Variants in FRMD4B observed in about 807,000 individuals in gnomAD.
The protein encoded by FRMD4B is FERM domain-containing protein 4B.
Under a neutral mutation model 141.5 loss-of-function variants are expected in FRMD4B, and 74 were observed. That is an observed-to-expected ratio of 0.52 (90% CI 0.43 to 0.63). The LOEUF is 0.63. Ranked by LOEUF, FRMD4B falls within the 30% of genes least tolerant of loss-of-function variation. The probability of loss-of-function intolerance (pLI) is 0.00; values close to 1 mark genes in which losing one functional copy is unlikely to be tolerated. For synonymous variants in FRMD4B, 506 were observed against 467.9 expected, an observed-to-expected ratio of 1.08 and a Z score of -1.05; for missense variants, 1,366 against 1,253.4, an observed-to-expected ratio of 1.09 and a Z score of -1.36.
chr3:69,460,163 G>T (rs888953423), intron 1 of FRMD4B, among the ~76,000 whole-genome samples: 9 of 152,152 alleles, frequency 5.9e-5, no homozygotes, highest in Non-Finnish European at 1.0e-4. Flanking sequence ...ATTCCACATG[G>T]CTTTATACTC....
intron 2 of FRMD4B, among the ~76,000 whole-genome samples, chr3:69,419,906 G>C (rs998619330): frequency 6.6e-6 from 1 of 152,166 alleles, no homozygotes; most frequent in Non-Finnish European, 1.5e-5. Context: ...GCCCAGGCTG[G>C]AGTGCAATGG....
At chr3:69,219,327 CG>C (rs1559727629) in intron 9 of FRMD4B, among the ~76,000 whole-genome samples, 1 of 151,034 alleles carries the variant, frequency 6.6e-6, no homozygotes, top group Non-Finnish European at 1.5e-5. Context: ...CCTGTTTTAA[CG>C]CAAGTAGACT....
intron 1 of FRMD4B, among the ~76,000 whole-genome samples, chr3:69,378,312 G>A (rs547061951): frequency 1.3e-5 from 2 of 152,254 alleles, no homozygotes; most frequent in African/African-American, 4.8e-5. Flanking sequence ...TTCTGCCAAT[G>A]ACTGAGAAGT....
At chr3:69,491,311 A>G (rs191155661) in intron 1 of FRMD4B, among the ~76,000 whole-genome samples, 1 of 152,324 alleles carries the variant, frequency 6.6e-6, no homozygotes, top group East Asian at 1.9e-4. Context: ...AGCTGACTCT[A>G]TGAGAAGAAC....
intron 11 of FRMD4B, chr3:69,198,975 T>C (rs1378033424): frequency 7.1e-6 from 4 of 560,852 alleles, no homozygotes; most frequent in East Asian, 6.0e-5. Context: ...TCTTTAACTA[T>C]TAAGATTCAC....
intron 10 of FRMD4B, among the ~76,000 whole-genome samples, chr3:69,217,935 T>C (rs1447808231): frequency 1.3e-5 from 2 of 152,184 alleles, no homozygotes; most frequent in Non-Finnish European, 2.9e-5. Context: ...ATACAGTGTA[T>C]GTAATACACT....
chr3:69,239,118 C>T lies in FRMD4B; in HGVS notation c.581+10108G>A. 1.3e-5 allele frequency among the ~76,000 whole-genome samples: 2 copies of T among 152,128 alleles called. 1 individual carries two copies. Reference sequence around the variant, plus strand: ...AACTTGCCAAGTTCCGAGTTGTGAGCAGTTTGGGGCTTGGTTTGACAGAGT... The same window carrying T: ...AACTTGCCAAGTTCCGAGTTGTGAGTAGTTTGGGGCTTGGTTTGACAGAGT... On this transcript the variant is annotated intron_variant, in intron 7 of 22. Transcript: ENST00000398540.
At chr3:69,444,042 G>C (rs1705375781) in intron 1 of FRMD4B, among the ~76,000 whole-genome samples, 3 of 152,118 alleles carry the variant, frequency 2.0e-5, no homozygotes, top group Non-Finnish European at 1.5e-5. Flanking sequence ...AGCTGGACCT[G>C]TGGCCCCCAC....
chr3:69,313,891 G>A (rs71302184), intron 1 of FRMD4B, among the ~76,000 whole-genome samples: 4 of 150,644 alleles, frequency 2.7e-5, no homozygotes, highest in Non-Finnish European at 5.9e-5. Context: ...TGTAATCCCA[G>A]CACTTTGGGA....
At chr3:69,506,937 G>C (rs1706606144) in intron 1 of FRMD4B, among the ~76,000 whole-genome samples, 1 of 152,124 alleles carries the variant, frequency 6.6e-6, no homozygotes, top group Admixed American at 6.6e-5. Context: ...TACTTTCCAA[G>C]GTGTTAATTT....
chr3:69,487,672 T>C (rs1346118139), intron 1 of FRMD4B, among the ~76,000 whole-genome samples: 2 of 152,208 alleles, frequency 1.3e-5, no homozygotes, highest in African/African-American at 4.8e-5. Context: ...TTTGCAGGCA[T>C]CCTAGTGCAA....
At chr3:69,324,592 G>A (rs1702119408) in intron 1 of FRMD4B, among the ~76,000 whole-genome samples, 1 of 152,220 alleles carries the variant, frequency 6.6e-6, no homozygotes, top group South Asian at 2.1e-4. Context: ...TCCAGACCTT[G>A]CCAAATGTCC....
chr3:69,263,672 A>G (rs1407608309), intron 5 of FRMD4B, among the ~76,000 whole-genome samples: 2 of 151,894 alleles, frequency 1.3e-5, no homozygotes, highest in African/African-American at 4.8e-5. Flanking sequence ...TTGGCCTCCC[A>G]AAGTGCTAGG....
intron 1 of FRMD4B, among the ~76,000 whole-genome samples, chr3:69,534,482 G>T (rs768950591): frequency 2.0e-5 from 3 of 152,162 alleles, no homozygotes; most frequent in African/African-American, 7.2e-5. Context: ...TTTGTAGCTG[G>T]ATTAGAAGAC....
At chr3:69,226,016 T>C (rs1021475030) in intron 7 of FRMD4B, among the ~76,000 whole-genome samples, 10 of 152,158 alleles carry the variant, frequency 6.6e-5, no homozygotes, top group African/African-American at 2.4e-4. Flanking sequence ...TTACCTCATG[T>C]AAGGTTCACC....
At chr3:69,253,137 G>A (rs1448863928) in intron 5 of FRMD4B, among the ~76,000 whole-genome samples, 3 of 149,032 alleles carry the variant, frequency 2.0e-5, no homozygotes, top group Non-Finnish European at 4.5e-5. Context: ...CAGAATCAAA[G>A]ATAGTTTTGG....
chr3:69,451,270 AAAAC>A (rs75378136), intron 1 of FRMD4B, among the ~76,000 whole-genome samples: 2 of 151,760 alleles, frequency 1.3e-5, no homozygotes, highest in Admixed American at 6.6e-5. Context: ...ATCCTGCACC[AAAAC>A]AAACAAACAA....
At chr3:69,277,846 T>G (rs2093625398) in intron 5 of FRMD4B, among the ~76,000 whole-genome samples, 2 of 109,730 alleles carry the variant, frequency 1.8e-5, no homozygotes, top group African/African-American at 6.5e-5. Context: ...CAGCATTTTC[T>G]TTTTCTTTCT....
rs560747771 is a variant in FRMD4B at position 69,183,577 on chromosome 3, G to C, written c.1920-860C>G. ...GGCTCACTGCAAGCCCCGCCTCCTG[G>C]GTTCACGCCATTCTCCTGCCTCAGC... On this transcript the variant is annotated intron_variant, in intron 19 of 22. Transcript: ENST00000398540. 8.3e-4 allele frequency among the ~76,000 whole-genome samples: 123 copies of C among 148,306 alleles called. 1 individual carries two copies. Among genetic ancestry groups the C allele is most frequent in the Middle Eastern group, 6.9e-3 (2 of 288 alleles).
Sources: allele counts gnomAD v4.1 joint callset (sites outside exome capture counted in the v4.1 genomes callset), GRCh38; gene constraint gnomAD v4.1.1; transcripts MANE v1.5; gene names NCBI Gene and HGNC (gene_info 2026-07-23, HGNC 2026-07-21).